Variants in SLC35F4 observed in about 807,000 individuals in gnomAD.
The protein encoded by SLC35F4 is solute carrier family 35 member F4, also known as chromosome 14 open reading frame 36.
In SLC35F4, 24 loss-of-function variants were observed where a neutral mutation model predicts 44.2. The ratio of observed to expected loss-of-function variants is 0.54; its 90% CI spans 0.39 to 0.76. The LOEUF is 0.76. Among genes scored for constraint, SLC35F4 ranks in the 30% least tolerant of loss-of-function variants. The probability of loss-of-function intolerance (pLI) is 0.00; values close to 1 mark genes in which losing one functional copy is unlikely to be tolerated. For synonymous variants in SLC35F4, 238 were observed against 223.6 expected (o/e 1.06, Z -0.57); for missense variants, 562 against 586.1 (o/e 0.96, Z 0.42).
intron 1 of SLC35F4, among the ~76,000 whole-genome samples, chr14:57,919,709 T>C (rs1889404164): frequency 1.3e-5 from 2 of 151,954 alleles, no homozygotes; most frequent in African/African-American, 4.8e-5. Flanking sequence ...AGCCATGAAA[T>C]AACAGACAGC....
At chr14:57,951,784 C>T (rs979873036) in intron 1 of SLC35F4, among the ~76,000 whole-genome samples, 11 of 152,356 alleles carry the variant, frequency 7.2e-5, no homozygotes, top group Admixed American at 6.5e-4. Flanking sequence ...AGCAGCCCCA[C>T]TCAGGGGCCT....
intron 1 of SLC35F4, among the ~76,000 whole-genome samples, chr14:57,640,151 C>CT (rs1324641255): frequency 1.3e-5 from 2 of 151,990 alleles, no homozygotes; most frequent in African/African-American, 4.8e-5. Context: ...CCAATGGTCT[C>CT]TGCTGGTTTC....
chr14:57,958,069 T>C (rs2141085790), intron 1 of SLC35F4, among the ~76,000 whole-genome samples: 1 of 152,184 alleles, frequency 6.6e-6, no homozygotes, highest in Non-Finnish European at 1.5e-5. Context: ...ATTTTTTTTT[T>C]TTTTGAGATG....
chr14:57,596,823 G>A lies in SLC35F4; in HGVS notation c.104-2699C>T, dbSNP rs777600171. ...CCTCCTGTTCCTTATGTGATATACC[G>A]CAAAGCCCATTGCCTGCTGCCAGCT... On this transcript the variant is annotated intron_variant, in intron 1 of 7. Transcript: ENST00000556826. 44 of 1,367,398 alleles carry A rather than the reference G, an allele frequency of 3.2e-5. 1 individual carries two copies. Among genetic ancestry groups the A allele is most frequent in the Non-Finnish European group, 3.5e-5 (36 of 1,021,816 alleles). The allele number at this position is 1,367,398 out of a possible 1,614,324, so 84.7% of individuals were successfully genotyped here.
chr14:57,712,274 G>T (rs1051782057), intron 1 of SLC35F4, among the ~76,000 whole-genome samples: 1 of 141,370 alleles, frequency 7.1e-6, no homozygotes, highest in Non-Finnish European at 1.6e-5. Context: ...GTAACATGAG[G>T]TGGCATCATT....
chr14:57,948,810 C>A (rs1477600914), intron 1 of SLC35F4, among the ~76,000 whole-genome samples: 1 of 152,118 alleles, frequency 6.6e-6, no homozygotes, highest in Non-Finnish European at 1.5e-5. Flanking sequence ...CATTCAAGAG[C>A]AAATTATTTA....
chr14:57,917,432 C>T (rs1056536455), intron 1 of SLC35F4, among the ~76,000 whole-genome samples: 1 of 152,056 alleles, frequency 6.6e-6, no homozygotes, highest in Non-Finnish European at 1.5e-5. Flanking sequence ...GCATATTAAT[C>T]ACAGTTTTTT....
chr14:57,651,096 T>A (rs1171178398), intron 1 of SLC35F4, among the ~76,000 whole-genome samples: 11 of 152,166 alleles, frequency 7.2e-5, no homozygotes, highest in Non-Finnish European at 1.5e-4. Flanking sequence ...GTGTGTTCAC[T>A]GGTATAGTGC....
At chr14:57,684,611 G>A (rs1343790484) in intron 1 of SLC35F4, among the ~76,000 whole-genome samples, 5 of 152,186 alleles carry the variant, frequency 3.3e-5, no homozygotes, top group Non-Finnish European at 5.9e-5. Context: ...CAGTACCAGT[G>A]TGCAGCCAGG....
At chr14:57,746,852 A>G (rs1219269279) in intron 1 of SLC35F4, among the ~76,000 whole-genome samples, 1 of 152,170 alleles carries the variant, frequency 6.6e-6, no homozygotes, top group Non-Finnish European at 1.5e-5. Context: ...AAACGACAGA[A>G]TGGTTGTTAT....
chr14:57,848,615 C>T (rs967670803), intron 1 of SLC35F4, among the ~76,000 whole-genome samples: 1 of 152,170 alleles, frequency 6.6e-6, no homozygotes, highest in African/African-American at 2.4e-5. Context: ...TCCTGCATTT[C>T]CACATATCAT....
upstream of SLC35F4, among the ~76,000 whole-genome samples, chr14:57,866,672 T>A (rs906227999): frequency 1.6e-4 from 25 of 152,190 alleles, no homozygotes; most frequent in Non-Finnish European, 2.9e-5. Flanking sequence ...AGCACGTTTA[T>A]TTTTCCAATT....
At chr14:57,587,116 G>A (rs1051781016) in intron 3 of SLC35F4, among the ~76,000 whole-genome samples, 1 of 152,180 alleles carries the variant, frequency 6.6e-6, no homozygotes, top group African/African-American at 2.4e-5. Context: ...AATAAGTCAG[G>A]AAACAACAGA....
At chr14:57,660,535 C>T (rs79473703) in intron 1 of SLC35F4, among the ~76,000 whole-genome samples, 21,674 of 146,954 alleles carry the variant, frequency 0.15, 1,830 homozygotes, top group East Asian at 0.29. Context: ...ACATGGGGAC[C>T]ACACAAGGGC....
intron 1 of SLC35F4, among the ~76,000 whole-genome samples, chr14:57,790,313 A>T (rs1263169613): frequency 1.3e-5 from 2 of 152,210 alleles, no homozygotes; most frequent in African/African-American, 2.4e-5. Flanking sequence ...TACAAAATCA[A>T]TATGCAAAAA....
chr14:57,647,261 C>G (rs2073570425), intron 1 of SLC35F4, among the ~76,000 whole-genome samples: 1 of 151,706 alleles, frequency 6.6e-6, no homozygotes, highest in Non-Finnish European at 1.5e-5. Flanking sequence ...GAGTCTAAGT[C>G]TCTTTGTAGG....
In SLC35F4 at chr14:57,768,333, A is replaced by C. The variant is rs141635782; in HGVS notation, c.103+97390T>G. Among the ~76,000 whole-genome samples the C allele has an allele frequency of 6.4e-3, 969 of 152,300 alleles. 6 individuals are homozygous for C. The highest frequency in any genetic ancestry group is 0.022 in the African/African-American group (905 of 41,558). ...GACTCCTGGTTCCACTTTTCAGAGG[A>C]AACTATTTCTAAGAGAATGCAATGA... On this transcript the variant is annotated intron_variant, in intron 1 of 7. Coordinates refer to ENST00000556826, the MANE Select transcript of SLC35F4 (RefSeq NM_001306087.2).
chr14:57,964,303 A>C (rs1566517960), intron 1 of SLC35F4, among the ~76,000 whole-genome samples: 1 of 152,132 alleles, frequency 6.6e-6, no homozygotes, highest in Admixed American at 6.6e-5. Context: ...TTCTCGGCAG[A>C]AGTATCAGAA....
chr14:57,922,136 C>T (rs572300195), intron 1 of SLC35F4, among the ~76,000 whole-genome samples: 10 of 152,292 alleles, frequency 6.6e-5, no homozygotes, highest in Non-Finnish European at 1.2e-4. Flanking sequence ...GGGTGCAACC[C>T]TCTGGGCCAG....
Sources: allele counts gnomAD v4.1 joint callset (sites outside exome capture counted in the v4.1 genomes callset), GRCh38; gene constraint gnomAD v4.1.1; transcripts MANE v1.5; gene names NCBI Gene and HGNC (gene_info 2026-07-23, HGNC 2026-07-21).